The following KLHL32 variants were observed in gnomAD, a reference collection of about 807,000 sequenced individuals.
KLHL32 encodes the protein kelch-like protein 32.
Under a neutral mutation model 64.8 loss-of-function variants are expected in KLHL32, and 35 were observed. The observed-to-expected ratio is 0.54, with a 90% CI of 0.41 to 0.72. The LOEUF (loss-of-function observed/expected upper bound fraction) is 0.72. KLHL32 is among the 30% of genes least tolerant of loss of function. KLHL32 has a pLI of 0.00. For synonymous variants in KLHL32, 259 were observed against 281.0 expected (o/e 0.92, Z 0.78); for missense variants, 589 against 768.5 (o/e 0.77, Z 2.76).
intron 6 of KLHL32, among the ~76,000 whole-genome samples, chr6:97,103,588 A>T (rs1332162558): frequency 6.6e-6 from 1 of 152,140 alleles, no homozygotes; most frequent in Non-Finnish European, 1.5e-5. Flanking sequence ...CTTTGGCACA[A>T]ATTTTATTTT....
At chr6:97,138,146 C>T (rs1017450340) in intron 10 of KLHL32, among the ~76,000 whole-genome samples, 1 of 152,128 alleles carries the variant, frequency 6.6e-6, no homozygotes, top group Non-Finnish European at 1.5e-5. Context: ...ACAAATGGGG[C>T]GAGAGCAGCT....
At chr6:97,118,446 C>A (rs1354838801) in intron 7 of KLHL32, among the ~76,000 whole-genome samples, 1 of 151,836 alleles carries the variant, frequency 6.6e-6, no homozygotes, top group Non-Finnish European at 1.5e-5. Flanking sequence ...TGGTGAAACC[C>A]CATCTCTACT....
chr6:97,106,186 T>C (rs1380772122), intron 6 of KLHL32, among the ~76,000 whole-genome samples: 1 of 152,196 alleles, frequency 6.6e-6, no homozygotes, highest in East Asian at 1.9e-4. Context: ...GAGGACTTGA[T>C]AATGTTAGGA....
At chr6:97,087,798 A>T (rs1793652345) in intron 6 of KLHL32, among the ~76,000 whole-genome samples, 1 of 152,188 alleles carries the variant, frequency 6.6e-6, no homozygotes, top group African/African-American at 2.4e-5. Flanking sequence ...ACCAGATTTC[A>T]TGCAGTCTGG....
intron 4 of KLHL32, among the ~76,000 whole-genome samples, chr6:97,063,353 T>A (rs992904283): frequency 5.9e-5 from 9 of 152,186 alleles, no homozygotes; most frequent in African/African-American, 2.2e-4. Context: ...AGAATGACCC[T>A]GAGGTTTTCA....
intron 3 of KLHL32, among the ~76,000 whole-genome samples, chr6:96,981,706 CTT>C (rs1229585856): frequency 1.3e-5 from 2 of 152,104 alleles, no homozygotes; most frequent in African/African-American, 2.4e-5. Flanking sequence ...AAACTCCTCT[CTT>C]AACACTGCTT....
chr6:97,015,802 A>T (rs898318739), intron 3 of KLHL32, among the ~76,000 whole-genome samples: 1 of 152,198 alleles, frequency 6.6e-6, no homozygotes, highest in Non-Finnish European at 1.5e-5. Flanking sequence ...CATCAGAGGC[A>T]TGGAGGCCTA....
chr6:97,036,132 C>A (rs1014658051), intron 3 of KLHL32, among the ~76,000 whole-genome samples: 2 of 151,984 alleles, frequency 1.3e-5, no homozygotes, highest in African/African-American at 2.4e-5. Context: ...TTCTCTGTCG[C>A]ATTTTTTTAT....
At chr6:96,908,357 C>T in the KLHL32 span, among the ~76,000 whole-genome samples, 285 of 152,242 alleles carry the variant, frequency 1.9e-3, no homozygotes, top group Non-Finnish European at 3.0e-3. Context: ...CAAGAATAAA[C>T]GTATACTTGT....
At chr6:97,092,681 G>A (rs1234443555) in intron 6 of KLHL32, among the ~76,000 whole-genome samples, 1 of 152,196 alleles carries the variant, frequency 6.6e-6, no homozygotes, top group African/African-American at 2.4e-5. Context: ...AGTTGCCAGA[G>A]CATATATTTA....
chr6:96,950,389 C>T (rs936470315), intron 1 of KLHL32, among the ~76,000 whole-genome samples: 1 of 152,046 alleles, frequency 6.6e-6, no homozygotes, highest in Non-Finnish European at 1.5e-5. Flanking sequence ...ACATGAAGCT[C>T]AACCCAGCTG....
At chr6:96,901,579 C>T in the KLHL32 span, among the ~76,000 whole-genome samples, 2 of 152,170 alleles carry the variant, frequency 1.3e-5, no homozygotes, top group Non-Finnish European at 2.9e-5. Context: ...GTAGCATTTG[C>T]AGGTTCAGGG....
At chr6:97,119,138 G>A (rs1224311641) in intron 7 of KLHL32, among the ~76,000 whole-genome samples, 2 of 152,108 alleles carry the variant, frequency 1.3e-5, no homozygotes, top group Non-Finnish European at 2.9e-5. Flanking sequence ...TGCTTGTTCT[G>A]TCCCTGTACC....
chr6:96,952,015 T>C (rs915434753), intron 1 of KLHL32, among the ~76,000 whole-genome samples: 25 of 152,150 alleles, frequency 1.6e-4, no homozygotes, highest in African/African-American at 6.0e-4. Flanking sequence ...TCCAGGTACT[T>C]TGGATTCCCC....
chr6:97,079,305 C>T (rs999080164), intron 5 of KLHL32, among the ~76,000 whole-genome samples: 12 of 152,196 alleles, frequency 7.9e-5, no homozygotes, highest in African/African-American at 2.9e-4. Flanking sequence ...GGCCAAGACT[C>T]CTCCTTCTCT....
chr6:96,960,416 C>G (rs1773758795), intron 1 of KLHL32, among the ~76,000 whole-genome samples: 1 of 152,182 alleles, frequency 6.6e-6, no homozygotes, highest in South Asian at 2.1e-4. Flanking sequence ...AGGCCAAGTT[C>G]TAACCACTCC....
At chr6:97,110,751 C>T (rs1251864975) in intron 6 of KLHL32, among the ~76,000 whole-genome samples, 1 of 152,216 alleles carries the variant, frequency 6.6e-6, no homozygotes, top group Non-Finnish European at 1.5e-5. Context: ...TTTTCCTTGA[C>T]AGCTTTGCAG....
intron 6 of KLHL32, among the ~76,000 whole-genome samples, chr6:97,113,212 T>C (rs1206161): frequency 0.51 from 77,538 of 152,088 alleles, 20,152 homozygotes; most frequent in African/African-American, 0.59. Context: ...CTGACTGTTA[T>C]ACCTACTAAA....
At chr6:97,041,180 A>G (rs963181709) in intron 3 of KLHL32, among the ~76,000 whole-genome samples, 7 of 152,196 alleles carry the variant, frequency 4.6e-5, no homozygotes, top group African/African-American at 1.7e-4. Flanking sequence ...CTTGGTAGCA[A>G]TGAGAATCCA....
Sources: allele counts gnomAD v4.1 joint callset (sites outside exome capture counted in the v4.1 genomes callset), GRCh38; gene constraint gnomAD v4.1.1; transcripts MANE v1.5; gene names NCBI Gene and HGNC (gene_info 2026-07-23, HGNC 2026-07-21).